HHAT: variants seen among roughly 807,000 people sequenced by gnomAD.
HHAT encodes protein-cysteine N-palmitoyltransferase HHAT.
A neutral mutation model predicts 70.8 loss-of-function variants in HHAT; 47 were observed. The observed-to-expected ratio is 0.66, with a 90% CI of 0.53 to 0.85. The LOEUF (loss-of-function observed/expected upper bound fraction) is 0.85. HHAT is among the 40% of genes least tolerant of loss of function. The probability of loss-of-function intolerance (pLI) is 0.00; values close to 1 mark genes in which losing one functional copy is unlikely to be tolerated. For missense variants in HHAT, 609 were observed against 604.8 expected (o/e 1.01, Z -0.07); for synonymous variants, 228 against 247.6 (o/e 0.92, Z 0.74).
chr1:210,584,048 A>G (rs1659872388), intron 9 of HHAT, among the ~76,000 whole-genome samples: 1 of 144,962 alleles, frequency 6.9e-6, no homozygotes, highest in Non-Finnish European at 1.5e-5. Context: ...GGTTCAAGCA[A>G]TTCCCGGGCT....
At chr1:210,536,606 G>A (rs2095374233) in intron 9 of HHAT, among the ~76,000 whole-genome samples, 1 of 152,248 alleles carries the variant, frequency 6.6e-6, no homozygotes, top group Non-Finnish European at 1.5e-5. Context: ...GTTGGAGAAG[G>A]ATTTATGTCT....
intron 2 of HHAT, among the ~76,000 whole-genome samples, chr1:210,350,676 A>G (rs2086938539): frequency 6.6e-6 from 1 of 152,202 alleles, no homozygotes; most frequent in Non-Finnish European, 1.5e-5. Context: ...CAGATTTTCT[A>G]CATAGGTAAT....
At chr1:210,505,608 A>C (rs1250391600) in intron 8 of HHAT, among the ~76,000 whole-genome samples, 1 of 152,048 alleles carries the variant, frequency 6.6e-6, no homozygotes, top group Non-Finnish European at 1.5e-5. Flanking sequence ...AAACTTTATC[A>C]CCCTAGCGAT....
intron 7 of HHAT, among the ~76,000 whole-genome samples, chr1:210,428,286 CTATATA>C (rs66516721): frequency 7.6e-4 from 77 of 101,360 alleles, no homozygotes; most frequent in South Asian, 1.6e-3. Flanking sequence ...TGAGCTTATA[CTATATA>C]TATATATATA....
intron 9 of HHAT, among the ~76,000 whole-genome samples, chr1:210,583,259 G>GC (rs914483772): frequency 6.6e-6 from 1 of 152,208 alleles, no homozygotes; most frequent in Non-Finnish European, 1.5e-5. Flanking sequence ...TCAGTGAGAT[G>GC]CTTTTAAATT....
intron 9 of HHAT, among the ~76,000 whole-genome samples, chr1:210,520,257 C>T (rs974670248): frequency 4.6e-5 from 7 of 152,116 alleles, no homozygotes; most frequent in African/African-American, 1.7e-4. Flanking sequence ...CCTCGTGATC[C>T]ACCCACCTCA....
At chr1:210,414,125 C>G (rs997931308) in intron 6 of HHAT, among the ~76,000 whole-genome samples, 5 of 152,190 alleles carry the variant, frequency 3.3e-5, no homozygotes. Context: ...TTGGCAGATT[C>G]AGTGTCTGGT....
chr1:210,410,219 A>T (rs1235105935), intron 6 of HHAT, among the ~76,000 whole-genome samples: 1 of 150,184 alleles, frequency 6.7e-6, no homozygotes, highest in Non-Finnish European at 1.5e-5. Context: ...CGCCCAGCTA[A>T]TTTTTTTGTA....
upstream of HHAT, chr1:210,328,351 A>G (rs1158513067): frequency 6.6e-6 from 1 of 152,222 alleles, no homozygotes; most frequent in Non-Finnish European, 1.5e-5. Flanking sequence ...AACGCAATCA[A>G]AATCTTCGTA....
chr1:210,621,193 C>A (rs1466398294), intron 10 of HHAT, among the ~76,000 whole-genome samples: 1 of 152,040 alleles, frequency 6.6e-6, no homozygotes, highest in African/African-American at 2.4e-5. Flanking sequence ...TACTTGTAAT[C>A]ACTTCCTACA....
chr1:210,438,093 G>A (rs1163323971), intron 7 of HHAT, among the ~76,000 whole-genome samples: 2 of 151,856 alleles, frequency 1.3e-5, no homozygotes, highest in South Asian at 4.1e-4. Context: ...GAGAAGGATA[G>A]CCACATAGCA....
chr1:210,548,199 CG>C (rs2095500285), intron 9 of HHAT, among the ~76,000 whole-genome samples: 1 of 152,074 alleles, frequency 6.6e-6, no homozygotes, highest in Non-Finnish European at 1.5e-5. Flanking sequence ...GGGAAAGCAC[CG>C]AAGAACACCT....
At chr1:210,541,946 C>G (rs1171674702) in intron 9 of HHAT, among the ~76,000 whole-genome samples, 1 of 152,134 alleles carries the variant, frequency 6.6e-6, no homozygotes, top group African/African-American at 2.4e-5. Flanking sequence ...CCAGGGAGTT[C>G]ATCAGCGTCA....
chr1:210,626,857 A>T (rs1669934603), intron 11 of HHAT, among the ~76,000 whole-genome samples: 1 of 152,166 alleles, frequency 6.6e-6, no homozygotes, highest in Non-Finnish European at 1.5e-5. Context: ...GACCCCAAAA[A>T]GTTTAGTTAA....
chr1:210,396,843 G>C (rs941154383), intron 4 of HHAT, among the ~76,000 whole-genome samples: 1 of 152,212 alleles, frequency 6.6e-6, no homozygotes, highest in African/African-American at 2.4e-5. Flanking sequence ...CTTTGAAATG[G>C]AGAAGAGGTT....
At chr1:210,670,219 C>A (rs1286770809) in intron 11 of HHAT, among the ~76,000 whole-genome samples, 1 of 152,216 alleles carries the variant, frequency 6.6e-6, no homozygotes, top group Non-Finnish European at 1.5e-5. Flanking sequence ...AGATGAGGCT[C>A]TGCCCCAAGC....
chr1:210,659,482 C>T (rs2148955841), intron 11 of HHAT, among the ~76,000 whole-genome samples: 1 of 151,810 alleles, frequency 6.6e-6, no homozygotes, highest in South Asian at 2.1e-4. Flanking sequence ...ACAGATTCAC[C>T]AGAGGTACAA....
chr1:210,512,966 C>T (rs576452716), intron 8 of HHAT, among the ~76,000 whole-genome samples, 187 bp from the exon 9 acceptor site: 2 of 152,142 alleles, frequency 1.3e-5, no homozygotes, highest in South Asian at 2.1e-4. Flanking sequence ...GAGGTGGGGC[C>T]TGAGAAGCTG....
intron 3 of HHAT, among the ~76,000 whole-genome samples, chr1:210,372,046 A>G (rs562246274): frequency 2.6e-5 from 4 of 152,306 alleles, no homozygotes; most frequent in East Asian, 3.9e-4. Context: ...TCTCTACTCA[A>G]CAAGTTTATA....
Sources: gnomAD v4.1 joint callset for allele counts (sites outside exome capture counted in the v4.1 genomes callset) on GRCh38, gnomAD v4.1.1 for gene constraint, MANE v1.5 for transcripts, NCBI Gene and HGNC (gene_info 2026-07-23, HGNC 2026-07-21) for gene names.